MOBP: variants seen among roughly 807,000 people sequenced by gnomAD.
The protein encoded by MOBP is myelin associated oligodendrocyte basic protein.
In MOBP, 5 loss-of-function variants were observed where a neutral mutation model predicts 15.0. The observed-to-expected ratio is 0.33, with a 90% CI of 0.17 to 0.70. The LOEUF is 0.70. MOBP is among the 30% of genes least tolerant of loss of function. The probability of loss-of-function intolerance (pLI) is 0.67; values close to 1 mark genes in which losing one functional copy is unlikely to be tolerated. For synonymous variants in MOBP, 88 were observed against 99.0 expected, an observed-to-expected ratio of 0.89 and a Z score of 0.66; for missense variants, 188 against 257.8, an observed-to-expected ratio of 0.73 and a Z score of 1.85.
At chr3:39,492,524 C>T (rs1249285719) in intron 2 of MOBP, among the ~76,000 whole-genome samples, 2 of 152,124 alleles carry the variant, frequency 1.3e-5, no homozygotes, top group Non-Finnish European at 2.9e-5. Context: ...AGCCAATATT[C>T]ATCATGGGTT....
At chr3:39,468,379 A>C (rs758380159) in intron 1 of MOBP, among the ~76,000 whole-genome samples, 9 of 152,184 alleles carry the variant, frequency 5.9e-5, no homozygotes, top group Non-Finnish European at 8.8e-5. Context: ...CGAGTAATGA[A>C]CTTGGCCTAC....
At chr3:39,509,081 TGA>T (rs1559426726) in intron 4 of MOBP, among the ~76,000 whole-genome samples, 1 of 86,682 alleles carries the variant, frequency 1.2e-5, no homozygotes, top group Non-Finnish European at 2.3e-5. Flanking sequence ...CATATGTGTG[TGA>T]GAGTGTTTGT....
downstream of MOBP, among the ~76,000 whole-genome samples, chr3:39,516,290 G>A (rs550147756): frequency 1.5e-4 from 23 of 152,326 alleles, no homozygotes; most frequent in African/African-American, 5.3e-4. Context: ...GGGGAGGGCG[G>A]TGGCACAGTG....
intron 2 of MOBP, among the ~76,000 whole-genome samples, chr3:39,481,875 C>A (rs1194791891): frequency 6.6e-6 from 1 of 152,198 alleles, no homozygotes; most frequent in African/African-American, 2.4e-5. Context: ...TTTTGAAATA[C>A]TTTTTCCCTT....
intron 2 of MOBP, among the ~76,000 whole-genome samples, chr3:39,490,189 C>G (rs984448928): frequency 3.9e-5 from 6 of 152,174 alleles, no homozygotes; most frequent in African/African-American, 1.4e-4. Context: ...GGGGTATATG[C>G]AGAAATTAAG....
chr3:39,484,781 G>A (rs868513041), intron 2 of MOBP, among the ~76,000 whole-genome samples: 31 of 152,296 alleles, frequency 2.0e-4, no homozygotes, highest in South Asian at 1.2e-3. Context: ...GATAACAACC[G>A]TAGGTCACAC....
downstream of MOBP, among the ~76,000 whole-genome samples, chr3:39,504,914 G>A (rs1465586893): frequency 6.6e-6 from 1 of 152,208 alleles, no homozygotes; most frequent in East Asian, 1.9e-4. Context: ...TGCTTTTAGA[G>A]GTTAAATAAT....
intron 2 of MOBP, among the ~76,000 whole-genome samples, chr3:39,488,473 A>C (rs1160366028): frequency 2.6e-5 from 4 of 152,108 alleles, no homozygotes; most frequent in Non-Finnish European, 4.4e-5. Context: ...GTCTGTCTGC[A>C]TGTCCTGTTC....
chr3:39,515,155 C>G (rs1414160721), exon 5 of MOBP: 1 of 152,372 alleles, frequency 6.6e-6, no homozygotes, highest in Non-Finnish European at 1.5e-5. Flanking sequence ...CTGACACACC[C>G]CCTTCAGGGG....
intron 2 of MOBP, among the ~76,000 whole-genome samples, chr3:39,481,615 C>T (rs1707961): frequency 0.021 from 3,153 of 152,286 alleles, 112 homozygotes; most frequent in African/African-American, 0.072. Context: ...TTGCAAACCA[C>T]GTGATTCTCT....
chr3:39,500,067 G>A (rs1195380718), intron 2 of MOBP: 1 of 456,126 alleles, frequency 2.2e-6, no homozygotes, highest in Non-Finnish European at 4.4e-6. Context: ...CTACCTACAA[G>A]GTGAGCTCAT....
downstream of MOBP, among the ~76,000 whole-genome samples, chr3:39,516,529 A>G (rs921645115): frequency 4.6e-5 from 7 of 152,228 alleles, no homozygotes; most frequent in Admixed American, 4.6e-4. Context: ...AAAGTAGGAG[A>G]TGAGGTGGCC....
At chr3:39,510,967 T>G (rs1439015513) in intron 4 of MOBP, among the ~76,000 whole-genome samples, 2 of 152,240 alleles carry the variant, frequency 1.3e-5, no homozygotes, top group Non-Finnish European at 2.9e-5. Context: ...TCCTGTGCTT[T>G]CTTTATATCC....
intron 2 of MOBP, 118 bp from the exon 3 acceptor site, chr3:39,501,948 G>A (rs979230144): frequency 2.5e-6 from 2 of 797,962 alleles, no homozygotes; most frequent in East Asian, 2.6e-5. Context: ...TGCTCTGTAG[G>A]GCCCCCCTGA....
intron 1 of MOBP, among the ~76,000 whole-genome samples, chr3:39,478,444 T>C (rs2042572786): frequency 6.6e-6 from 1 of 152,160 alleles, no homozygotes; most frequent in Non-Finnish European, 1.5e-5. Context: ...TTGACTCAGT[T>C]CTCAGGATTT....
At chr3:39,476,706 A>T (rs566601249) in intron 1 of MOBP, among the ~76,000 whole-genome samples, 1 of 152,240 alleles carries the variant, frequency 6.6e-6, no homozygotes, top group Non-Finnish European at 1.5e-5. Flanking sequence ...CATTATTCAC[A>T]GCCTGCATTT....
downstream of MOBP, among the ~76,000 whole-genome samples, chr3:39,516,769 A>G (rs1458320656): frequency 6.6e-6 from 1 of 152,208 alleles, no homozygotes; most frequent in African/African-American, 2.4e-5. Flanking sequence ...TGAGGCTCAT[A>G]TGGTTTCAGG....
chr3:39,490,438 A>C (rs1386563513), intron 2 of MOBP, among the ~76,000 whole-genome samples: 1 of 152,236 alleles, frequency 6.6e-6, no homozygotes, highest in South Asian at 2.1e-4. Context: ...TAAATATTTT[A>C]AGACTCAAAG....
At chr3:39,468,733 T>TATGTGTGTGTATATACATATATAC (rs1559411378) in intron 1 of MOBP, among the ~76,000 whole-genome samples, 2 of 118,346 alleles carry the variant, frequency 1.7e-5, no homozygotes, top group Non-Finnish European at 3.3e-5. Flanking sequence ...CATATATACA[T>TATGTGTGTGTATATACATATATAC]ATGTGTGTGT....
Sources: gnomAD v4.1 joint callset for allele counts (sites outside exome capture counted in the v4.1 genomes callset) on GRCh38, gnomAD v4.1.1 for gene constraint, MANE v1.5 for transcripts, NCBI Gene and HGNC (gene_info 2026-07-23, HGNC 2026-07-21) for gene names.